The following NBPF26 variants were observed in gnomAD, a reference collection of about 807,000 sequenced individuals.
The protein encoded by NBPF26 is NBPF family member NBPF26.
Under a neutral mutation model 119.6 loss-of-function variants are expected in NBPF26, and 79 were observed. That is an observed-to-expected ratio of 0.66 (90% confidence interval 0.55 to 0.80). NBPF26 has a LOEUF of 0.80. NBPF26 is among the 30% of genes least tolerant of loss of function. The pLI, the probability that NBPF26 is intolerant of heterozygous loss-of-function variation, is 0.00. For missense variants in NBPF26, 800 were observed against 1,198.2 expected (o/e 0.67, Z 4.91); for synonymous variants, 299 against 457.7 (o/e 0.65, Z 4.43).
Position 120,790,396 on chromosome 1 carries a change from T to C in NBPF26, c.416-2765T>C, listed in dbSNP as rs1439262882. Among the ~76,000 whole-genome samples, 5 of 115,606 alleles carry C rather than the reference T, an allele frequency of 4.3e-5. 1 individual carries two copies. The highest frequency in any genetic ancestry group is 8.2e-5 in the Non-Finnish European group (5 of 60,656). 75.8% of individuals were successfully genotyped at this position (115,606 alleles called of 152,430 possible). ...CAGATCAAGGTCATCCTTTTGGTTT[T>C]TGTGATAGCACTATACCTCAGTCAG... On this transcript the variant is annotated intron_variant, in intron 3 of 29. Transcript: ENST00000620612.
At chr1:120,812,917 C>CAA (rs1651904113) in intron 10 of NBPF26, among the ~76,000 whole-genome samples, 1 of 84,646 alleles carries the variant, frequency 1.2e-5, no homozygotes, top group East Asian at 6.0e-4. Context: ...GGCAAGACTG[C>CAA]TAAAAATAAT....
chr1:120,823,792 C>A (rs1172312547), intron 17 of NBPF26, among the ~76,000 whole-genome samples, 182 bp from the exon 18 acceptor site: 1 of 64,332 alleles, frequency 1.6e-5, no homozygotes, highest in African/African-American at 1.1e-4. Context: ...GTGTGTGTGT[C>A]TTTCATCTTT....
rs1316880844 is a variant in NBPF26, at chr1:120,823,626, T to G, written c.2639+266T>G. Among the ~76,000 whole-genome samples, 2 of 125,260 alleles carry G rather than the reference T, an allele frequency of 1.6e-5. 1 individual carries two copies. Among genetic ancestry groups the G allele is most frequent in the Non-Finnish European group, 3.3e-5 (2 of 61,308 alleles). 82.2% of individuals were successfully genotyped at this position (125,260 alleles called of 152,430 possible). A position where few individuals can be genotyped will look rare whatever the true frequency, so the allele number is the denominator to read the frequency against. ...AACTGCAGGGAAACTTGACCACATT[T>G]TACGCAAAATTATTGAGGACATGCT... On this transcript the variant is annotated intron_variant, in intron 17 of 29. Transcript: ENST00000620612.
At chr1:120,811,589 T>C (rs1651868113) in intron 9 of NBPF26, among the ~76,000 whole-genome samples, 1 of 113,052 alleles carries the variant, frequency 8.8e-6, no homozygotes, top group South Asian at 2.5e-4. Context: ...CGAAATCTTT[T>C]GTGCTACACA....
rs1293353569 is a variant in NBPF26, at chr1:120,780,043, G to A, written c.156-4931G>A. ...GTTATTCTACCAGGCAGATCACAGA[G>A]TAGAGATGGATTTTGTGGAACATTT... On this transcript the variant is annotated intron_variant, in intron 2 of 29. Coordinates refer to ENST00000620612, the Ensembl canonical transcript of NBPF26. 3.8e-3 allele frequency among the ~76,000 whole-genome samples: 498 copies of A among 129,614 alleles called. 10 individuals are homozygous for A. Among genetic ancestry groups the A allele is most frequent in the Middle Eastern group, 0.011 (3 of 270 alleles). 85.0% of individuals were successfully genotyped at this position (129,614 alleles called of 152,430 possible). A position where few individuals can be genotyped will look rare whatever the true frequency, so the allele number is the denominator to read the frequency against.
intron 9 of NBPF26, among the ~76,000 whole-genome samples, chr1:120,810,908 G>A (rs1375768596): frequency 9.2e-6 from 1 of 108,224 alleles, no homozygotes; most frequent in Non-Finnish European, 1.8e-5. Context: ...CTTCTGTCAG[G>A]CTAGACTCTC....
At chr1:120,790,718 G>T (rs1651483275) in intron 3 of NBPF26, among the ~76,000 whole-genome samples, 2 of 111,276 alleles carry the variant, frequency 1.8e-5, no homozygotes, top group Admixed American at 1.7e-4. Context: ...TTGTGCCTCA[G>T]CCTCCCAGGT....
At chr1:120,764,223 G>A (rs1651164658) in intron 2 of NBPF26, among the ~76,000 whole-genome samples, 1 of 114,286 alleles carries the variant, frequency 8.7e-6, no homozygotes, top group African/African-American at 5.1e-5. Context: ...CTCTAGCCTG[G>A]GTGACAGAGC....
intron 2 of NBPF26, among the ~76,000 whole-genome samples, chr1:120,764,753 T>C (rs1212675936): frequency 8.8e-6 from 1 of 113,592 alleles, no homozygotes; most frequent in African/African-American, 4.6e-5. Context: ...TATGTATCCA[T>C]TCTTTTTATT....
At chr1:120,724,048 G>A in exon 1 of NBPF26, 1 of 1,277,894 alleles carries the variant, frequency 7.8e-7, no homozygotes, top group Non-Finnish European at 9.9e-7. Flanking sequence ...TAGCGCCAGG[G>A]CCTGAGCCTT....
chr1:120,822,787 C>A (rs1652147247), intron 16 of NBPF26, among the ~76,000 whole-genome samples: 1 of 110,336 alleles, frequency 9.1e-6, no homozygotes, highest in Non-Finnish European at 1.8e-5. Flanking sequence ...GCTCATCTGT[C>A]CGTCATGTTC....
chr1:120,816,475 A>T (rs1212732296), intron 13 of NBPF26, 147 bp from the exon 14 acceptor site: 2 of 436,914 alleles, frequency 4.6e-6, no homozygotes, highest in Non-Finnish European at 7.7e-6. Flanking sequence ...AGAGAACAGG[A>T]TTGCATGTTC....
intron 3 of NBPF26, among the ~76,000 whole-genome samples, chr1:120,790,513 ATTCTTTCT>A (rs1422332430): frequency 8.9e-6 from 1 of 112,306 alleles, no homozygotes; most frequent in Non-Finnish European, 1.7e-5. Flanking sequence ...TTCAGGGTTG[ATTCTTTCT>A]TTCTTTCTCC....
rs1386124514 is a variant in NBPF26 at position 120,823,101 on chromosome 1, A to T, written c.2588-208A>T. On this transcript the variant is annotated intron_variant, in intron 16 of 29. Transcript: ENST00000620612. ...CACATAGGGAAGATAACATTCCAAC[A>T]CAGGGGAATTTTGCCCAAGGCTCAT... Among the ~76,000 whole-genome samples, 22 of 117,434 alleles carry T rather than the reference A, an allele frequency of 1.9e-4. 2 individuals carry two copies. Among genetic ancestry groups the T allele is most frequent in the Non-Finnish European group, 2.7e-4 (16 of 59,262 alleles). 77.0% of individuals were successfully genotyped at this position (117,434 alleles called of 152,430 possible).
rs1264637853 is a variant in NBPF26, at chr1:120,743,897, C to A, written c.73+19647C>A. 1.2e-4 allele frequency among the ~76,000 whole-genome samples: 13 copies of A among 112,340 alleles called. 1 individual carries two copies. The highest frequency in any genetic ancestry group is 1.9e-4 in the Admixed American group (2 of 10,706). The allele number at this position is 112,340 out of a possible 152,430, so 73.7% of individuals were successfully genotyped here. On this transcript the variant is annotated intron_variant, in intron 1 of 29. Transcript: ENST00000620612. Reference sequence around the variant, plus strand: ...AGTGGTTGTTTCAGAGAGTTTGCAGCAATTAGGCTTTATTGGTGCACTAAG... The same window carrying A: ...AGTGGTTGTTTCAGAGAGTTTGCAGAAATTAGGCTTTATTGGTGCACTAAG...
chr1:120,758,368 T>G, intron 1 of NBPF26, among the ~76,000 whole-genome samples: 1 of 101,738 alleles, frequency 9.8e-6, no homozygotes, highest in East Asian at 2.5e-4. Flanking sequence ...TTCTGAGAAC[T>G]AAGTAAGAAC....
At chr1:120,766,650 C>CA (rs1355615487) in intron 2 of NBPF26, among the ~76,000 whole-genome samples, 529 of 8,512 alleles carry the variant, frequency 0.062, 185 homozygotes, top group Non-Finnish European at 0.072. Context: ...ACTGTGTTTC[C>CA]AAAAAAAAAA....
Position 120,724,238 on chromosome 1 carries a change from GC to G in NBPF26, c.66del (p.Ala23ArgfsTer14). On this transcript the variant is annotated frameshift_variant, in exon 1 of 30. Transcript: ENST00000620612. LOFTEE classifies it high-confidence loss of function. ...GCTGGCGCTCTGGCTGTGCTGGGCG[GC>G]CCCCGCGCATGGTGAGTATCGGGCT... 1 of 1,402,590 alleles carries G rather than the reference GC, an allele frequency of 7.1e-7. No individual in the cohort carries two copies. The highest frequency in any genetic ancestry group is 9.4e-7 in the Non-Finnish European group (1 of 1,068,854). The allele number at this position is 1,402,590 out of a possible 1,614,324, so 86.9% of individuals were successfully genotyped here.
chr1:120,728,935 T>G (rs1650845860), intron 1 of NBPF26, among the ~76,000 whole-genome samples: 1 of 112,590 alleles, frequency 8.9e-6, no homozygotes, highest in Non-Finnish European at 1.7e-5. Flanking sequence ...CCACATGATT[T>G]TGATCCTTGA....
Sources: gnomAD v4.1 joint callset for allele counts (sites outside exome capture counted in the v4.1 genomes callset) on GRCh38, gnomAD v4.1.1 for gene constraint, MANE v1.5 for transcripts, NCBI Gene and HGNC (gene_info 2026-07-23, HGNC 2026-07-21) for gene names.